Variants in NKAIN3 observed in about 807,000 individuals in gnomAD.
NKAIN3 encodes sodium/potassium-transporting ATPase subunit beta-1-interacting protein 3.
NKAIN3 carries 25 observed loss-of-function variants against 30.2 expected under a neutral mutation model. The ratio of observed to expected loss-of-function variants is 0.83; its 90% CI spans 0.60 to 1.16. The LOEUF is 1.16. Among genes scored for constraint, NKAIN3 ranks in the 50% most tolerant of loss-of-function variants. The pLI is 0.00. For missense variants in NKAIN3, 225 were observed against 254.1 expected (o/e 0.89, Z 0.78); for synonymous variants, 91 against 89.6 (o/e 1.02, Z -0.09).
chr8:62,893,698 G>C (rs977124015), intron 4 of NKAIN3, among the ~76,000 whole-genome samples: 2 of 152,098 alleles, frequency 1.3e-5, no homozygotes, highest in African/African-American at 4.8e-5. Context: ...ATAACTAACT[G>C]TGTACACACA....
At chr8:62,953,793 T>C (rs902402614) in intron 5 of NKAIN3, 109 bp from the exon 6 acceptor site, 1 of 191,772 alleles carries the variant, frequency 5.2e-6, no homozygotes, top group African/African-American at 2.4e-5. Context: ...TTTCATTTTA[T>C]GGTGAACGGA....
intron 4 of NKAIN3, among the ~76,000 whole-genome samples, chr8:62,850,348 C>G (rs60042261): frequency 0.016 from 2,451 of 151,798 alleles, 62 homozygotes; most frequent in African/African-American, 0.05. Flanking sequence ...GTAGATTCTG[C>G]ATATTAGCCC....
intron 1 of NKAIN3, among the ~76,000 whole-genome samples, chr8:62,418,280 A>G (rs551813574): frequency 6.6e-6 from 1 of 152,290 alleles, no homozygotes; most frequent in East Asian, 1.9e-4. Context: ...GGTGACTAAG[A>G]TATGTAAAAT....
At chr8:62,634,692 G>C (rs1307427931) in intron 3 of NKAIN3, among the ~76,000 whole-genome samples, 1 of 152,202 alleles carries the variant, frequency 6.6e-6, no homozygotes, top group Non-Finnish European at 1.5e-5. Flanking sequence ...GACAGAGATG[G>C]AAAGGAGCAA....
At chr8:62,746,875 A>G in intron 3 of NKAIN3, 57 bp from the exon 4 acceptor site, 1 of 1,273,416 alleles carries the variant, frequency 7.9e-7, no homozygotes, top group East Asian at 2.3e-5. Context: ...GGTCAAAGTC[A>G]AAGACGTGAT....
intron 1 of NKAIN3, among the ~76,000 whole-genome samples, chr8:62,546,536 A>G (rs906784521): frequency 4.6e-5 from 7 of 152,278 alleles, no homozygotes; most frequent in Admixed American, 3.9e-4. Context: ...TGGTCCAGTT[A>G]TAGCAGTAAT....
At chr8:62,709,073 C>T (rs1814632069) in intron 3 of NKAIN3, among the ~76,000 whole-genome samples, 1 of 152,126 alleles carries the variant, frequency 6.6e-6, no homozygotes, top group Non-Finnish European at 1.5e-5. Flanking sequence ...GTGTGAAACC[C>T]ACTTGATCAT....
At chr8:62,544,959 T>G (rs888654394) in intron 1 of NKAIN3, among the ~76,000 whole-genome samples, 6 of 152,230 alleles carry the variant, frequency 3.9e-5, no homozygotes, top group South Asian at 4.1e-4. Context: ...ATAAGGAAGA[T>G]AAAATATAAT....
intron 1 of NKAIN3, among the ~76,000 whole-genome samples, chr8:62,371,255 T>C (rs1359936985): frequency 4.6e-5 from 7 of 151,974 alleles, no homozygotes; most frequent in South Asian, 2.1e-4. Flanking sequence ...AGTCTATCTT[T>C]TTTTAAACAA....
At position 62,377,197 on chromosome 8, in the gene NKAIN3, A is replaced by G. The variant is rs542908649; in HGVS notation, c.54+128070A>G. 5.3e-5 allele frequency among the ~76,000 whole-genome samples: 8 copies of G among 152,264 alleles called. No homozygotes were observed. In the East Asian group the frequency reaches 1.5e-3, roughly 29 times the overall value. On this transcript the variant is annotated intron_variant, in intron 1 of 6. Transcript: ENST00000623646. ...AAAAAAATGTTGATTGCTCAAAATTATGCACTCTTCTTTTAAAAAAATTCT... is the reference window on the plus strand; with the variant it reads ...AAAAAAATGTTGATTGCTCAAAATTGTGCACTCTTCTTTTAAAAAAATTCT...
intron 4 of NKAIN3, among the ~76,000 whole-genome samples, chr8:62,823,569 A>G (rs146887846): frequency 6.6e-6 from 1 of 152,188 alleles, no homozygotes; most frequent in Non-Finnish European, 1.5e-5. Flanking sequence ...AAAAAGAAGA[A>G]TGTTGCTTTG....
chr8:62,328,001 A>G (rs887349505), intron 1 of NKAIN3, among the ~76,000 whole-genome samples: 3 of 152,090 alleles, frequency 2.0e-5, no homozygotes, highest in African/African-American at 4.8e-5. Context: ...TTAAAAATGT[A>G]ACTATTTTAA....
At chr8:62,461,177 A>G (rs578237965) in intron 1 of NKAIN3, among the ~76,000 whole-genome samples, 2 of 152,324 alleles carry the variant, frequency 1.3e-5, no homozygotes, top group South Asian at 4.1e-4. Flanking sequence ...GTCCCTCAGC[A>G]AAGACAGAAG....
At chr8:62,351,974 G>A (rs547729400) in intron 1 of NKAIN3, among the ~76,000 whole-genome samples, 5 of 152,262 alleles carry the variant, frequency 3.3e-5, no homozygotes, top group Middle Eastern at 3.4e-3. Flanking sequence ...CCTGGTCAGG[G>A]TCCCCATGTG....
chr8:62,258,833 G>T (rs1487566359), intron 1 of NKAIN3, among the ~76,000 whole-genome samples: 1 of 151,900 alleles, frequency 6.6e-6, no homozygotes, highest in Admixed American at 6.6e-5. Flanking sequence ...TTTTTCCAAG[G>T]CCCCAGTATC....
At chr8:62,722,978 G>A (rs919150786) in intron 3 of NKAIN3, among the ~76,000 whole-genome samples, 27 of 152,188 alleles carry the variant, frequency 1.8e-4, no homozygotes, top group Admixed American at 1.6e-3. Flanking sequence ...CTGCCAGAGA[G>A]GTTTTTACCA....
chr8:62,309,513 G>T (rs987459460), intron 1 of NKAIN3, among the ~76,000 whole-genome samples: 13 of 150,484 alleles, frequency 8.6e-5, no homozygotes, highest in African/African-American at 2.8e-4. Context: ...TCATGAAGCT[G>T]ATAGTTAACA....
chr8:62,862,965 G>A (rs552799083), intron 4 of NKAIN3: 35 of 458,198 alleles, frequency 7.6e-5, no homozygotes, highest in Non-Finnish European at 1.3e-4. Flanking sequence ...CTGTGTGTAT[G>A]CATATATGTG....
intron 4 of NKAIN3, among the ~76,000 whole-genome samples, chr8:62,849,033 G>A (rs1187602958): frequency 1.3e-5 from 2 of 152,116 alleles, no homozygotes; most frequent in Admixed American, 1.3e-4. Flanking sequence ...TGGTGGATAA[G>A]CTTTTTGATG....
Sources: allele counts gnomAD v4.1 joint callset (sites outside exome capture counted in the v4.1 genomes callset), GRCh38; gene constraint gnomAD v4.1.1; transcripts MANE v1.5; gene names NCBI Gene and HGNC (gene_info 2026-07-23, HGNC 2026-07-21).